VPS13A: variants seen among roughly 807,000 people sequenced by gnomAD.
The protein encoded by VPS13A is intermembrane lipid transfer protein VPS13A.
Under a neutral mutation model 390.9 loss-of-function variants are expected in VPS13A, and 264 were observed. That is an observed-to-expected ratio of 0.68 (90% CI 0.61 to 0.75). The LOEUF (loss-of-function observed/expected upper bound fraction) is 0.75. VPS13A is among the 30% of genes least tolerant of loss of function. The probability of loss-of-function intolerance (pLI) is 0.00; values close to 1 mark genes in which losing one functional copy is unlikely to be tolerated. For missense variants in VPS13A, 3,409 were observed against 3,733.9 expected (o/e 0.91, Z 2.27); for synonymous variants, 1,231 against 1,227.1 (o/e 1.00, Z -0.07).
Position 77,320,212 on chromosome 9 carries a change from G to A in VPS13A, c.5415+539G>A, listed in dbSNP as rs545770125. The stretch of plus-strand genomic sequence containing the variant: ...GACCAGGGAGGTTAAGAGACTTCTT[G>A]AAGTAATAATAGCTACAAAGTGGAA... On this transcript the variant is annotated intron_variant, in intron 42 of 71. Transcript: ENST00000360280. Among the ~76,000 whole-genome samples the A allele has an allele frequency of 5.8e-4, 88 of 152,160 alleles. 2 individuals carry two copies. Among genetic ancestry groups the A allele is most frequent in the Admixed American group, 1.2e-3 (18 of 15,266 alleles).
chr9:77,307,907 A>T (rs370726172), intron 34 of VPS13A, 38 bp from the exon 35 acceptor site: 1 of 1,506,570 alleles, frequency 6.6e-7, no homozygotes, highest in African/African-American at 1.4e-5. Flanking sequence ...GCAATGAAGT[A>T]GCAGTGCTAA....
chr9:77,192,666 C>A (rs529839210), intron 1 of VPS13A, among the ~76,000 whole-genome samples: 2 of 152,170 alleles, frequency 1.3e-5, no homozygotes, highest in South Asian at 4.2e-4. Flanking sequence ...TGAATTAGGC[C>A]CCCAATTTCT....
chr9:77,258,618 C>T (rs1435661793), intron 22 of VPS13A, among the ~76,000 whole-genome samples: 1 of 151,930 alleles, frequency 6.6e-6, no homozygotes, highest in Non-Finnish European at 1.5e-5. Flanking sequence ...GCTACGCATT[C>T]CCTTGTTTTT....
chr9:77,314,714 T>C (rs750301894), intron 37 of VPS13A, 50 bp downstream of exon 37: 5 of 1,566,264 alleles, frequency 3.2e-6, no homozygotes, highest in African/African-American at 1.4e-5. Context: ...ATCGTTGATA[T>C]ATTTTACAGA....
chr9:77,335,610 C>T (rs1830500139), intron 46 of VPS13A, among the ~76,000 whole-genome samples: 1 of 152,180 alleles, frequency 6.6e-6, no homozygotes, highest in African/African-American at 2.4e-5. Flanking sequence ...AAAAGCTCAT[C>T]ATTACTGGTC....
In VPS13A at chr9:77,344,154, G is replaced by A. The variant is rs1831003118; in HGVS notation, c.7028G>A (p.Cys2343Tyr). The part of the protein sequence containing the change: ...DKWLSLDLEQ[C>Y]IPFWPEYASS... ...AAACATATATAATGTATATTTTAGT[G>A]TATCCCCTTTTGGCCTGAGTATGCT... Residue 2343 changes from cysteine (C) to tyrosine (Y), a missense_variant and splice_region_variant, in exon 51 of 72, where the codon TGT becomes TAT. Transcript: ENST00000360280. 1.3e-6 allele frequency: 2 copies of A among 1,590,524 alleles called. No homozygotes were observed. Among genetic ancestry groups the A allele is most frequent in the Non-Finnish European group, 1.7e-6 (2 of 1,159,262 alleles).
At chr9:77,204,550 A>G (rs1240796664) in intron 3 of VPS13A, among the ~76,000 whole-genome samples, 2 of 152,106 alleles carry the variant, frequency 1.3e-5, no homozygotes, top group Non-Finnish European at 2.9e-5. Flanking sequence ...GAATTACTAT[A>G]CATACATACA....
intron 15 of VPS13A, 147 bp from the exon 16 acceptor site, chr9:77,227,244 C>T: frequency 3.2e-6 from 2 of 629,160 alleles, no homozygotes; most frequent in Non-Finnish European, 5.6e-6. Flanking sequence ...TGTAAAATTG[C>T]CAGCCCCATT....
intron 17 of VPS13A, among the ~76,000 whole-genome samples, chr9:77,235,057 A>C (rs919527387): frequency 1.3e-5 from 2 of 152,204 alleles, no homozygotes; most frequent in African/African-American, 2.4e-5. Flanking sequence ...TAAATCATAG[A>C]GGAATTAAAA....
chr9:77,206,230 G>A, intron 5 of VPS13A, 151 bp downstream of exon 5: 2 of 655,406 alleles, frequency 3.1e-6, no homozygotes, highest in Non-Finnish European at 5.2e-6. Context: ...AATGTGGTTT[G>A]TATGCTTTGT....
rs140597600 is a variant in VPS13A, at chr9:77,256,394, T to G, written c.2289-3692T>G. 2.6e-5 allele frequency among the ~76,000 whole-genome samples: 4 copies of G among 152,278 alleles called. 1 individual carries two copies. Among genetic ancestry groups the G allele is most frequent in the African/African-American group, 9.6e-5 (4 of 41,568 alleles). On this transcript the variant is annotated intron_variant, in intron 22 of 71. Coordinates refer to ENST00000360280, the MANE Select transcript of VPS13A (RefSeq NM_033305.3). ...TCACTTTTTTAACATTTTTTGACGC[T>G]TGGTTTTTTACCTGACGTATAATCT... is the stretch of plus-strand genomic sequence containing the variant.
chr9:77,398,038 C>G (rs751594169), intron 68 of VPS13A, among the ~76,000 whole-genome samples: 2 of 152,062 alleles, frequency 1.3e-5, no homozygotes, highest in African/African-American at 2.4e-5. Context: ...ATTCCCAAAC[C>G]CTGATTTTGC....
intron 1 of VPS13A, among the ~76,000 whole-genome samples, chr9:77,194,982 A>G (rs913053713): frequency 1.5e-4 from 23 of 152,090 alleles, no homozygotes; most frequent in African/African-American, 4.6e-4. Flanking sequence ...ACGAAGTCCA[A>G]TTCACCTATT....
intron 23 of VPS13A, among the ~76,000 whole-genome samples, chr9:77,271,352 T>A (rs893801478): frequency 6.6e-6 from 1 of 152,198 alleles, no homozygotes; most frequent in African/African-American, 2.4e-5. Flanking sequence ...CATATGTTAC[T>A]TGTGAAACTT....
chr9:77,292,179 G>A (rs1234196569), intron 31 of VPS13A, among the ~76,000 whole-genome samples: 2 of 152,058 alleles, frequency 1.3e-5, no homozygotes, highest in African/African-American at 4.8e-5. Context: ...TTTCCCACTT[G>A]CACCCATCTC....
intron 23 of VPS13A, among the ~76,000 whole-genome samples, chr9:77,266,690 G>A (rs894808039): frequency 1.3e-5 from 2 of 152,070 alleles, no homozygotes; most frequent in African/African-American, 4.8e-5. Flanking sequence ...TGTATTTCCT[G>A]AATTTGAATG....
intron 54 of VPS13A, among the ~76,000 whole-genome samples, chr9:77,355,203 T>G (rs1441045723): frequency 6.6e-6 from 1 of 152,194 alleles, no homozygotes; most frequent in African/African-American, 2.4e-5. Flanking sequence ...CTTTAACCAC[T>G]CCAAACAGGG....
intron 13 of VPS13A, among the ~76,000 whole-genome samples, chr9:77,225,265 A>G (rs1823441085): frequency 6.6e-6 from 1 of 152,124 alleles, no homozygotes; most frequent in Non-Finnish European, 1.5e-5. Context: ...TTACGATTAT[A>G]TATCTTTGTA....
chr9:77,331,843 T>C (rs1299327289), intron 45 of VPS13A, among the ~76,000 whole-genome samples, 167 bp from the exon 46 acceptor site: 1 of 152,052 alleles, frequency 6.6e-6, no homozygotes, highest in East Asian at 1.9e-4. Flanking sequence ...ATTTTTCTTG[T>C]ATGTTTTAGG....
Sources: allele counts gnomAD v4.1 joint callset (sites outside exome capture counted in the v4.1 genomes callset), GRCh38; gene constraint gnomAD v4.1.1; transcripts MANE v1.5; gene names NCBI Gene and HGNC (gene_info 2026-07-23, HGNC 2026-07-21).